The following KCNMA1 variants were observed in gnomAD, a reference collection of about 807,000 sequenced individuals.
The protein encoded by KCNMA1 is Calcium-activated potassium channel subunit alpha-1.
KCNMA1 carries 29 observed loss-of-function variants against 140.0 expected under a neutral mutation model. That is an observed-to-expected ratio of 0.21 (90% CI 0.15 to 0.28). The LOEUF (loss-of-function observed/expected upper bound fraction) is 0.28. KCNMA1 is among the 10% of genes least tolerant of loss of function. The pLI, the probability that KCNMA1 is intolerant of heterozygous loss-of-function variation, is 1.00. For missense variants in KCNMA1, 880 were observed against 1,602.2 expected (o/e 0.55, Z 7.70); for synonymous variants, 612 against 611.9 (o/e 1.00, Z 0.00).
intron 2 of KCNMA1, among the ~76,000 whole-genome samples, chr10:77,326,447 A>G (rs1412710766): frequency 3.9e-5 from 6 of 152,240 alleles, no homozygotes; most frequent in Non-Finnish European, 8.8e-5. Flanking sequence ...CAATATAAAT[A>G]AAGCACATAG....
intron 14 of KCNMA1, among the ~76,000 whole-genome samples, chr10:77,061,374 A>T (rs1345966441): frequency 6.6e-6 from 1 of 152,242 alleles, no homozygotes; most frequent in African/African-American, 2.4e-5. Flanking sequence ...TTCACCAAAA[A>T]GCATATACAG....
Position 76,970,051 on chromosome 10 carries a change from C to T in KCNMA1, c.2283G>A (p.Pro761=), listed in dbSNP as rs377596790. 85 of 1,613,684 alleles carry T rather than the reference C, an allele frequency of 5.3e-5. No individual in the cohort carries two copies. Among genetic ancestry groups the T allele is most frequent in the African/African-American group, 2.7e-4 (20 of 74,970 alleles). Residue 761 remains proline, a synonymous_variant, in exon 20 of 28, where the codon CCG becomes CCA. Coordinates refer to ENST00000286628, the MANE Select transcript of KCNMA1 (RefSeq NM_001161352.2). ...GCTTTTTTTTTGGTGATAGTGTTGA[C>T]GGCTGCTCATCTTCAACTGGAAATA... The part of the protein sequence containing the change: ...TSFRAFEDEQ[P]STLSPKKKQR...
chr10:77,444,628 A>G (rs1244213741), intron 1 of KCNMA1, among the ~76,000 whole-genome samples: 1 of 152,110 alleles, frequency 6.6e-6, no homozygotes, highest in Non-Finnish European at 1.5e-5. Flanking sequence ...CTTGTCTCCC[A>G]TGTTGAGACG....
In KCNMA1 at chr10:77,637,427, C is replaced by A. The variant is rs2093876119; in HGVS notation, c.216G>T (p.Pro72=). Residue 72 remains proline, a synonymous_variant, in exon 1 of 28, where the codon CCG becomes CCT. Coordinates refer to ENST00000286628, the MANE Select transcript of KCNMA1 (RefSeq NM_001161352.2). ...HEPKMDALII[P]VTMEVPCDSR... ...TGTCGCACGGCACCTCCATGGTCAC[C>A]GGGATGATGAGCGCATCCATCTTGG... 3 of 1,613,628 alleles carry A rather than the reference C, an allele frequency of 1.9e-6. No homozygotes were observed. Among genetic ancestry groups the A allele is most frequent in the Non-Finnish European group, 2.5e-6 (3 of 1,179,858 alleles).
chr10:77,039,881 T>C (rs1194757487), intron 14 of KCNMA1, among the ~76,000 whole-genome samples: 1 of 94,816 alleles, frequency 1.1e-5, no homozygotes, highest in African/African-American at 4.2e-5. Flanking sequence ...TTTTTTCTTT[T>C]TCTTTTTTTT....
At chr10:77,590,267 C>T (rs573889568) in intron 1 of KCNMA1, among the ~76,000 whole-genome samples, 2 of 152,366 alleles carry the variant, frequency 1.3e-5, no homozygotes, top group South Asian at 2.1e-4. Flanking sequence ...CTGCCAGTCC[C>T]GCGCCGTGCG....
chr10:77,437,910 T>C (rs1020324766), intron 1 of KCNMA1, among the ~76,000 whole-genome samples: 16 of 152,040 alleles, frequency 1.1e-4, no homozygotes, highest in Non-Finnish European at 1.8e-4. Flanking sequence ...ATCACAGAAC[T>C]GAATGGGCCA....
intron 1 of KCNMA1, among the ~76,000 whole-genome samples, chr10:77,471,987 C>A (rs970488240): frequency 6.7e-6 from 1 of 148,164 alleles, no homozygotes; most frequent in African/African-American, 2.5e-5. Flanking sequence ...ACACATAATG[C>A]CACATACACA....
chr10:77,441,886 G>T (rs911749373), intron 1 of KCNMA1, among the ~76,000 whole-genome samples: 1 of 151,834 alleles, frequency 6.6e-6, no homozygotes, highest in Non-Finnish European at 1.5e-5. Context: ...AGGGTCCCTA[G>T]TTGGCAGGAT....
At chr10:77,199,258 T>G (rs1056698928) in intron 3 of KCNMA1, among the ~76,000 whole-genome samples, 3 of 152,242 alleles carry the variant, frequency 2.0e-5, no homozygotes, top group Non-Finnish European at 4.4e-5. Flanking sequence ...GTCTCTGAGT[T>G]TTTTTCTTTG....
At chr10:77,171,717 C>G (rs182853219) in intron 5 of KCNMA1, among the ~76,000 whole-genome samples, 1 of 152,122 alleles carries the variant, frequency 6.6e-6, no homozygotes, top group African/African-American at 2.4e-5. Flanking sequence ...CTCAGCCCTA[C>G]CTTTCAGAGA....
chr10:77,182,867 C>T (rs549827842), intron 5 of KCNMA1, among the ~76,000 whole-genome samples: 2 of 152,248 alleles, frequency 1.3e-5, no homozygotes, highest in South Asian at 4.1e-4. Flanking sequence ...GTGCCCTGTA[C>T]AGTACAGCCC....
At chr10:77,036,695 G>C (rs1352451597) in intron 15 of KCNMA1, among the ~76,000 whole-genome samples, 2 of 152,120 alleles carry the variant, frequency 1.3e-5, no homozygotes, top group African/African-American at 2.4e-5. Context: ...AATTCTTACT[G>C]TAATGAAAAT....
chr10:77,036,308 C>T (rs2094327788), intron 15 of KCNMA1, among the ~76,000 whole-genome samples: 1 of 152,174 alleles, frequency 6.6e-6, no homozygotes, highest in Non-Finnish European at 1.5e-5. Flanking sequence ...ACCTTCTGCC[C>T]CCACTGCCTC....
intron 23 of KCNMA1, among the ~76,000 whole-genome samples, chr10:76,936,579 T>C (rs1307490217): frequency 1.3e-5 from 2 of 152,114 alleles, no homozygotes; most frequent in East Asian, 1.9e-4. Context: ...AGAGAGAATA[T>C]TGTGGTAATG....
rs111762526 is a variant in KCNMA1 at position 77,163,169 on chromosome 10, C to T, written c.808+20252G>A. ...CCACCACCAGTTCTTGCACAGGACACCAGCTAAAAATGTTTTCCCCCTACA... is the reference window on the plus strand; with the variant it reads ...CCACCACCAGTTCTTGCACAGGACATCAGCTAAAAATGTTTTCCCCCTACA... On this transcript the variant is annotated intron_variant, in intron 5 of 27. Coordinates refer to ENST00000286628, the MANE Select transcript of KCNMA1 (RefSeq NM_001161352.2). Among the ~76,000 whole-genome samples, 33 of 152,218 alleles carry T rather than the reference C, an allele frequency of 2.2e-4. 2 individuals carry two copies. The highest frequency in any genetic ancestry group is 7.7e-4 in the African/African-American group (32 of 41,544).
intron 23 of KCNMA1, among the ~76,000 whole-genome samples, chr10:76,942,092 C>T (rs1472295356): frequency 2.6e-5 from 4 of 152,218 alleles, no homozygotes; most frequent in African/African-American, 7.2e-5. Flanking sequence ...CTGCCTCAGC[C>T]TCCCGAGTAG....
chr10:77,102,928 T>A (rs946883576), intron 9 of KCNMA1, among the ~76,000 whole-genome samples: 1 of 152,166 alleles, frequency 6.6e-6, no homozygotes, highest in Non-Finnish European at 1.5e-5. Flanking sequence ...GGGTAGTTTG[T>A]TCGCCAATGA....
intron 2 of KCNMA1, among the ~76,000 whole-genome samples, chr10:77,257,811 C>A (rs1221091941): frequency 6.6e-6 from 1 of 152,108 alleles, no homozygotes; most frequent in Admixed American, 6.5e-5. Flanking sequence ...TCTTCCCTGC[C>A]AACATGTAAG....
Sources: gnomAD v4.1 joint callset for allele counts (sites outside exome capture counted in the v4.1 genomes callset) on GRCh38, gnomAD v4.1.1 for gene constraint, MANE v1.5 for transcripts, NCBI Gene and HGNC (gene_info 2026-07-23, HGNC 2026-07-21) for gene names.